The following ZNF148 variants were observed in gnomAD, a reference collection of about 807,000 sequenced individuals.
ZNF148 encodes zinc finger protein 148.
Under a neutral mutation model 67.7 loss-of-function variants are expected in ZNF148, and 7 were observed. The ratio of observed to expected loss-of-function variants is 0.10; its 90% CI spans 0.06 to 0.19. The LOEUF (loss-of-function observed/expected upper bound fraction) is 0.19. ZNF148 is among the 10% of genes least tolerant of loss of function. The probability of loss-of-function intolerance (pLI) is 1.00; values close to 1 mark genes in which losing one functional copy is unlikely to be tolerated. For synonymous variants in ZNF148, 333 were observed against 330.7 expected (o/e 1.01, Z -0.08); for missense variants, 583 against 947.1 (o/e 0.62, Z 5.05).
intron 1 of ZNF148, among the ~76,000 whole-genome samples, chr3:125,354,270 G>A (rs990747014): frequency 3.3e-5 from 5 of 151,562 alleles, no homozygotes; most frequent in Admixed American, 6.6e-5. Context: ...CTGCTCCTGC[G>A]GCCACACAAA....
chr3:125,309,130 A>C (rs1489620205), intron 4 of ZNF148, among the ~76,000 whole-genome samples: 2 of 152,194 alleles, frequency 1.3e-5, no homozygotes, highest in Admixed American at 1.3e-4. Flanking sequence ...GGATTACTAA[A>C]ACATTTGGTA....
chr3:125,291,315 T>C (rs1177016754), intron 4 of ZNF148, among the ~76,000 whole-genome samples: 1 of 152,188 alleles, frequency 6.6e-6, no homozygotes, highest in East Asian at 1.9e-4. Flanking sequence ...AGTGAGGAAT[T>C]GGCAACAGAC....
At chr3:125,348,126 G>A (rs897107896) in intron 1 of ZNF148, among the ~76,000 whole-genome samples, 12 of 151,954 alleles carry the variant, frequency 7.9e-5, no homozygotes, top group African/African-American at 1.9e-4. Context: ...TGGGCGTGGT[G>A]GCATGTGCCA....
At position 125,338,659 on chromosome 3, in the gene ZNF148, CAAAAAAAAAA is replaced by C. The variant is rs757727396; in HGVS notation, c.-233-7431_-233-7422del. Among the ~76,000 whole-genome samples the C allele has an allele frequency of 3.9e-4, 20 of 51,192 alleles. 1 individual carries two copies. In the South Asian group the frequency reaches 0.021, roughly 54 times the overall value. 33.6% of individuals were successfully genotyped at this position (51,192 alleles called of 152,430 possible). ...TGAGTGACAGAGTGAGACCCTGTCT[CAAAAAAAAAA>C]AAAAAAAAAAAAAACTATCACAAGT... On this transcript the variant is annotated intron_variant, in intron 1 of 8. Coordinates refer to ENST00000360647, the MANE Select transcript of ZNF148 (RefSeq NM_021964.3).
chr3:125,232,525 C>G lies in ZNF148; in HGVS notation c.2201G>C (p.Arg734Pro). ...AGCTCTTGATCCATGATAGGGAGCA[C>G]GGAAGGGCTGTTCAAAGGAGCTCAT... ...YQMSSFEQPFRAPYHGSRAGI... is the reference protein window; with the variant it reads ...YQMSSFEQPFPAPYHGSRAGI... Residue 734 changes from arginine to proline, a missense_variant, in exon 9 of 9, where the codon CGT becomes CCT. This residue lies in a region of ZNF148 where 158 missense variants were observed against 208.4 expected (regional missense o/e 0.76). Coordinates refer to ENST00000360647, the MANE Select transcript of ZNF148 (RefSeq NM_021964.3). This position sits in a 1 kb window ranked among gnomAD's most constrained non-coding sequence, Gnocchi z 4.2. The G allele has an allele frequency of 6.2e-7, 1 of 1,613,554 alleles. No homozygotes were observed. Among genetic ancestry groups the G allele is most frequent in the Non-Finnish European group, 8.5e-7 (1 of 1,179,702 alleles).
At chr3:125,374,614 G>T (rs1485584502) in intron 1 of ZNF148, among the ~76,000 whole-genome samples, 8 of 151,890 alleles carry the variant, frequency 5.3e-5, no homozygotes, top group Non-Finnish European at 1.2e-4. Flanking sequence ...TACGTTTCCT[G>T]CAAGCATTCC....
At position 125,313,594 on chromosome 3, in the gene ZNF148, C is replaced by T. The variant is rs150718809; in HGVS notation, c.47G>A (p.Gly16Asp). 1.9e-6 allele frequency: 3 copies of T among 1,613,992 alleles called. No homozygotes were observed. In the African/African-American group the frequency reaches 4.0e-5, roughly 22 times the overall value. ...KLEGLFLKCG[G>D]IDEMQSSRTM... ...CCTGGAAGACTGCATTTCGTCTATGCCGCCACATTTAAGAAACAATCCTTC... is the reference window on the plus strand; with the variant it reads ...CCTGGAAGACTGCATTTCGTCTATGTCGCCACATTTAAGAAACAATCCTTC... Residue 16 changes from glycine to aspartate, a missense_variant, in exon 4 of 9, where the codon GGC (glycine) becomes GAC (aspartate). By Grantham distance (94) the Gly-to-Asp change is moderately conservative. Coordinates refer to ENST00000360647, the MANE Select transcript of ZNF148 (RefSeq NM_021964.3).
At position 125,228,966 on chromosome 3, in the gene ZNF148, G is replaced by GA. The variant is rs1935743619; in HGVS notation, c.*3374dup. On this transcript the variant is annotated 3_prime_UTR_variant, in exon 9 of 9. Transcript: ENST00000360647. ...GTTTGTTTCCTACCAAAGTTTAAGT[G>GA]AAAAAAGGAAACACGGTTTTTATTT... 6.6e-6 allele frequency: 1 copy of GA among 152,430 alleles called. No homozygotes were observed. The highest frequency in any genetic ancestry group is 6.6e-5 in the Admixed American group (1 of 15,258). The allele number at this position is 152,430 out of a possible 1,614,324, so 9.4% of individuals were successfully genotyped here.
At chr3:125,260,153 A>T (rs1163536681) in intron 7 of ZNF148, among the ~76,000 whole-genome samples, 1 of 152,192 alleles carries the variant, frequency 6.6e-6, no homozygotes, top group Non-Finnish European at 1.5e-5. Flanking sequence ...AAGATCACCG[A>T]TCACAAATCA....
intron 1 of ZNF148, among the ~76,000 whole-genome samples, chr3:125,346,617 G>A (rs1941954705): frequency 6.6e-6 from 1 of 152,170 alleles, no homozygotes; most frequent in Non-Finnish European, 1.5e-5. Context: ...TCTCATGATA[G>A]TGAATGAGTT....
chr3:125,288,342 TG>T, intron 4 of ZNF148, 114 bp from the exon 5 acceptor site: 1 of 1,096,924 alleles, frequency 9.1e-7, no homozygotes, highest in South Asian at 1.6e-5. Context: ...TCCAGAATGA[TG>T]ATCTATGTGT....
chr3:125,266,783 G>T (rs1355466137), intron 7 of ZNF148, among the ~76,000 whole-genome samples: 1 of 151,858 alleles, frequency 6.6e-6, no homozygotes, highest in African/African-American at 2.4e-5. Flanking sequence ...TTCTTTGAAA[G>T]GATAAACAAG....
intron 7 of ZNF148, among the ~76,000 whole-genome samples, chr3:125,254,778 T>C (rs913504992): frequency 1.3e-5 from 2 of 152,194 alleles, no homozygotes; most frequent in Admixed American, 1.3e-4. Context: ...GCCATACGGT[T>C]CTGTTTTGAT....
intron 7 of ZNF148, among the ~76,000 whole-genome samples, chr3:125,269,064 C>G (rs1008083895): frequency 2.6e-5 from 4 of 151,892 alleles, no homozygotes; most frequent in African/African-American, 9.7e-5. Flanking sequence ...ATAAGACATA[C>G]AAGCAATCAA....
intron 7 of ZNF148, among the ~76,000 whole-genome samples, chr3:125,275,143 G>A (rs536442718): frequency 3.9e-4 from 60 of 152,226 alleles, no homozygotes; most frequent in Admixed American, 9.2e-4. Context: ...AGTAAAGAAG[G>A]GAAAACTATC....
At chr3:125,255,256 T>G (rs1579628793) in intron 7 of ZNF148, among the ~76,000 whole-genome samples, 1 of 140,486 alleles carries the variant, frequency 7.1e-6, no homozygotes, top group East Asian at 2.0e-4. Context: ...TTTTTTTTTT[T>G]TTTTTTTTGA....
rs573970754 is a variant in ZNF148, at chr3:125,226,376, T to G, written c.*5965A>C. 2 of 152,446 alleles carry G rather than the reference T, an allele frequency of 1.3e-5. No homozygotes were observed. Among genetic ancestry groups the G allele is most frequent in the East Asian group, 3.8e-4 (2 of 5,196 alleles). The allele number at this position is 152,446 out of a possible 1,614,324, so 9.4% of individuals were successfully genotyped here. ...CTCGAAAATTATCCATAAAACTGTA[T>G]TCTATATTTTATTTTTCAAACAGCC... On this transcript the variant is annotated 3_prime_UTR_variant, in exon 9 of 9. Coordinates refer to ENST00000360647, the MANE Select transcript of ZNF148 (RefSeq NM_021964.3).
At chr3:125,370,312 A>AAC (rs141519525) in intron 1 of ZNF148, among the ~76,000 whole-genome samples, 42 of 151,554 alleles carry the variant, frequency 2.8e-4, no homozygotes, top group African/African-American at 6.5e-4. Flanking sequence ...CACGCTGTCA[A>AAC]ACACACACAC....
intron 3 of ZNF148, chr3:125,314,848 A>G (rs1403521334): frequency 6.6e-6 from 1 of 152,110 alleles, no homozygotes; most frequent in African/African-American, 2.4e-5. Context: ...GCTTGAGCCC[A>G]GGGGTTTGAG....
Sources: gnomAD v4.1 joint callset for allele counts (sites outside exome capture counted in the v4.1 genomes callset) on GRCh38, gnomAD v4.1.1 for gene constraint, gnomAD v4.1.1 regional missense constraint, Gnocchi (gnomAD v3.1) non-coding constraint, MANE v1.5 for transcripts, NCBI Gene and HGNC (gene_info 2026-07-23, HGNC 2026-07-21) for gene names.